RIPOR2: variants seen among roughly 807,000 people sequenced by gnomAD.
RIPOR2 encodes the protein rho family-interacting cell polarization regulator 2.
RIPOR2 carries 39 observed loss-of-function variants against 114.5 expected under a neutral mutation model. The ratio of observed to expected loss-of-function variants is 0.34; its 90% CI spans 0.26 to 0.44. The LOEUF (loss-of-function observed/expected upper bound fraction) is 0.44. Among genes scored for constraint, RIPOR2 ranks in the 20% least tolerant of loss-of-function variants. The pLI is 1.00. For missense variants in RIPOR2, 1,007 were observed against 1,255.1 expected (o/e 0.80, Z 2.99); for synonymous variants, 445 against 484.4 (o/e 0.92, Z 1.07).
chr6:24,929,816 G>T (rs778786228), intron 1 of RIPOR2, among the ~76,000 whole-genome samples: 1 of 152,206 alleles, frequency 6.6e-6, no homozygotes, highest in Non-Finnish European at 1.5e-5. Context: ...GCTTACGCTT[G>T]TAATCCCAGC....
At position 24,975,309 on chromosome 6, in the gene RIPOR2, G is replaced by A. The variant is rs148655027; in HGVS notation, c.76+66542C>T. 4.2e-3 allele frequency among the ~76,000 whole-genome samples: 638 copies of A among 152,128 alleles called. 4 individuals are homozygous for A. Among genetic ancestry groups the A allele is most frequent in the African/African-American group, 0.012 (498 of 41,488 alleles). The stretch of plus-strand genomic sequence containing the variant: ...GAGAATGGGAAATATACTTTAATAA[G>A]GAACTCTTCCAAATCAAATAAACAA... On this transcript the variant is annotated intron_variant, in intron 1 of 13. Coordinates refer to the RIPOR2 transcript ENST00000510784.
intron 19 of RIPOR2, among the ~76,000 whole-genome samples, chr6:24,819,300 G>A (rs923784872): frequency 1.3e-5 from 2 of 152,046 alleles, no homozygotes; most frequent in Non-Finnish European, 2.9e-5. Flanking sequence ...GAGTGCCAGG[G>A]TAAGTTTCAC....
intron 1 of RIPOR2, chr6:25,023,809 T>C (rs1303874461): frequency 5.3e-6 from 4 of 761,604 alleles, no homozygotes; most frequent in Non-Finnish European, 9.5e-6. Context: ...GGACCCCTTT[T>C]TTAACTCGAT....
intron 1 of RIPOR2, among the ~76,000 whole-genome samples, chr6:24,917,101 A>G (rs2817733): frequency 0.35 from 53,754 of 152,026 alleles, 9,707 homozygotes; most frequent in South Asian, 0.42. Flanking sequence ...TTTCTGCAAT[A>G]ATATAATCTA....
chr6:24,867,495 G>C (rs1311080607), intron 6 of RIPOR2, among the ~76,000 whole-genome samples: 2 of 152,210 alleles, frequency 1.3e-5, no homozygotes, highest in Non-Finnish European at 2.9e-5. Flanking sequence ...TGCAGGTCAG[G>C]CTATGTCACC....
Position 24,857,757 on chromosome 6 carries a change from T to G in RIPOR2, c.715+3216A>C, listed in dbSNP as rs374055144. Among the ~76,000 whole-genome samples, 34 of 152,344 alleles carry G rather than the reference T, an allele frequency of 2.2e-4. No homozygotes were observed. The East Asian group carries it at 5.2e-3, about 23-fold the overall frequency. ...TGGAAACTGTAAGGACCAGGATATA[T>G]GCACTGCCTGGAACTTAATTTGAAC... On this transcript the variant is annotated intron_variant, in intron 8 of 21. Coordinates refer to ENST00000643898, the MANE Select transcript of RIPOR2 (RefSeq NM_001286445.3).
At chr6:24,976,464 C>T in intron 1 of RIPOR2, 1 of 1,569,772 alleles carries the variant, frequency 6.4e-7, no homozygotes, top group Non-Finnish European at 8.8e-7. Context: ...CGACGGTGAG[C>T]CCTTGGGCCG....
In RIPOR2 at chr6:24,840,841, T is replaced by C. The variant is rs955435902; in HGVS notation, c.1858-1569A>G. ...AGCTGATGCTTTAATTCTGGCTGGATACAAAGCCATTTGCCCCAGACCTAA... is the reference window on the plus strand; with the variant it reads ...AGCTGATGCTTTAATTCTGGCTGGACACAAAGCCATTTGCCCCAGACCTAA... On this transcript the variant is annotated intron_variant, in intron 13 of 21. Coordinates refer to ENST00000643898, the MANE Select transcript of RIPOR2 (RefSeq NM_001286445.3). 2.2e-5 allele frequency: 33 copies of C among 1,471,352 alleles called. No homozygotes were observed. In the African/African-American group the frequency reaches 2.8e-4, roughly 12 times the overall value. 91.1% of individuals were successfully genotyped at this position (1,471,352 alleles called of 1,614,324 possible).
At chr6:25,008,840 C>T (rs1410499757) in intron 1 of RIPOR2, among the ~76,000 whole-genome samples, 1 of 152,250 alleles carries the variant, frequency 6.6e-6, no homozygotes, top group African/African-American at 2.4e-5. Context: ...TGTGGGTCTC[C>T]TTCCATTCCC....
intron 6 of RIPOR2, among the ~76,000 whole-genome samples, chr6:24,867,729 A>C (rs546620191): frequency 5.8e-4 from 89 of 152,370 alleles, no homozygotes; most frequent in African/African-American, 1.6e-3. Flanking sequence ...TTTTGGATAA[A>C]GTATACCTAG....
chr6:24,877,308 C>T lies in RIPOR2; in HGVS notation c.62-1491G>A, dbSNP rs899271674. The stretch of plus-strand genomic sequence containing the variant: ...TGCTGCAGGTTTTTAAATCCCCTCC[C>T]TCCCTCTCCAGGAGAGAGCAGCCCT... On this transcript the variant is annotated intron_variant, in intron 1 of 21. Transcript: ENST00000643898. 3.6e-5 allele frequency: 35 copies of T among 985,292 alleles called. 1 individual carries two copies. The South Asian group carries it at 1.3e-3, about 37-fold the overall frequency. The allele number at this position is 985,292 out of a possible 1,614,324, so 61.0% of individuals were successfully genotyped here.
At chr6:25,040,381 G>T (rs1777413415) in intron 1 of RIPOR2, among the ~76,000 whole-genome samples, 1 of 152,028 alleles carries the variant, frequency 6.6e-6, no homozygotes, top group Admixed American at 6.6e-5. Flanking sequence ...CTCCCAAAGT[G>T]TTGGAATTAC....
chr6:24,955,510 TCCC>T (rs10618374), intron 1 of RIPOR2, among the ~76,000 whole-genome samples: 120,476 of 151,722 alleles, frequency 0.79, 51,427 homozygotes, highest in East Asian at 0.96. Context: ...TTTTCATTCC[TCCC>T]CCCACTATTT....
At chr6:25,010,428 C>T (rs552373581) in intron 1 of RIPOR2, among the ~76,000 whole-genome samples, 2 of 152,264 alleles carry the variant, frequency 1.3e-5, no homozygotes, top group Non-Finnish European at 2.9e-5. Flanking sequence ...GATGCTGGTG[C>T]GAGGCTTCGT....
chr6:24,856,687 G>A (rs1356105181), intron 8 of RIPOR2, among the ~76,000 whole-genome samples: 3 of 152,276 alleles, frequency 2.0e-5, no homozygotes, highest in African/African-American at 7.2e-5. Context: ...CCCAGGAGGC[G>A]GAGGTTGCAG....
chr6:24,836,574 G>C (rs1255869938), intron 14 of RIPOR2, among the ~76,000 whole-genome samples: 1 of 152,198 alleles, frequency 6.6e-6, no homozygotes, highest in African/African-American at 2.4e-5. Context: ...TAGTGGTCTT[G>C]TTTCACATGA....
At chr6:24,927,867 C>A (rs896085714) in intron 1 of RIPOR2, among the ~76,000 whole-genome samples, 3 of 152,196 alleles carry the variant, frequency 2.0e-5, no homozygotes, top group African/African-American at 7.2e-5. Context: ...TACTTCCCCT[C>A]AGTTTGGAAG....
chr6:25,029,774 A>AT (rs1356825545), intron 1 of RIPOR2, among the ~76,000 whole-genome samples: 4 of 152,228 alleles, frequency 2.6e-5, no homozygotes, highest in East Asian at 1.9e-4. Context: ...AAGAAAATTG[A>AT]TTTTTTTGTC....
At chr6:24,923,849 A>G (rs1433245494) in intron 1 of RIPOR2, among the ~76,000 whole-genome samples, 1 of 152,028 alleles carries the variant, frequency 6.6e-6, no homozygotes, top group Non-Finnish European at 1.5e-5. Context: ...CTCTGTCTCA[A>G]AAAAATAAAA....
Sources: gnomAD v4.1 joint callset for allele counts (sites outside exome capture counted in the v4.1 genomes callset) on GRCh38, gnomAD v4.1.1 for gene constraint, MANE v1.5 for transcripts, NCBI Gene and HGNC (gene_info 2026-07-23, HGNC 2026-07-21) for gene names.